Variants in TANC2 observed in about 807,000 individuals in gnomAD.
TANC2 encodes protein TANC2.
In TANC2, 26 loss-of-function variants were observed where a neutral mutation model predicts 210.5. The ratio of observed to expected loss-of-function variants is 0.12; its 90% CI spans 0.09 to 0.17. The LOEUF is 0.17. Ranked by LOEUF, TANC2 falls within the 10% of genes least tolerant of loss-of-function variation. The pLI is 1.00. For synonymous variants in TANC2, 931 were observed against 967.1 expected (o/e 0.96, Z 0.69); for missense variants, 2,129 against 2,608.9 (o/e 0.82, Z 4.01).
intron 9 of TANC2, among the ~76,000 whole-genome samples, chr17:63,292,682 A>G (rs1164318513): frequency 6.6e-6 from 1 of 152,146 alleles, no homozygotes; most frequent in East Asian, 1.9e-4. Context: ...TTTGTTTTAA[A>G]TAAGTGTGTG....
intron 4 of TANC2, among the ~76,000 whole-genome samples, chr17:63,100,321 C>T (rs753356225): frequency 2.0e-5 from 3 of 151,952 alleles, no homozygotes; most frequent in Non-Finnish European, 4.4e-5. Flanking sequence ...AGCATTTCTT[C>T]TATAGTTCTA....
intron 9 of TANC2, among the ~76,000 whole-genome samples, chr17:63,291,066 C>T (rs2044368792): frequency 6.6e-6 from 1 of 152,038 alleles, no homozygotes; most frequent in Admixed American, 6.5e-5. Flanking sequence ...GAGGCATTTT[C>T]CCCCTTCCCC....
At chr17:63,078,523 C>G (rs1467548352) in intron 3 of TANC2, among the ~76,000 whole-genome samples, 1 of 152,032 alleles carries the variant, frequency 6.6e-6, no homozygotes, top group Non-Finnish European at 1.5e-5. Context: ...TGAAAGCTTT[C>G]TCTTCTAATA....
chr17:63,412,707 G>A lies in TANC2; in HGVS notation c.3926G>A (p.Arg1309Gln), dbSNP rs1221624574. Reference sequence around the variant, plus strand: ...TGTCAGACGTTACCGAGTCGCCCACGAGGTATATTTCACCGCTGTCAGCAT... The same window carrying A: ...TGTCAGACGTTACCGAGTCGCCCACAAGGTATATTTCACCGCTGTCAGCAT... Residue 1309 changes from arginine to glutamine, a missense_variant and splice_region_variant, in exon 24 of 28, where the codon CGA becomes CAA. Around this residue, in one of 5 missense-constraint regions of TANC2, gnomAD observed 644 missense variants for 937.5 expected, o/e 0.69. Transcript: ENST00000689528. The surrounding 1 kb of genome is among the most constrained non-coding windows in gnomAD (Gnocchi z 4.2). 16 of 1,534,900 alleles carry A rather than the reference G, an allele frequency of 1.0e-5. No individual in the cohort carries two copies. The highest frequency in any genetic ancestry group is 1.3e-5 in the Non-Finnish European group (15 of 1,146,806).
At position 63,073,944 on chromosome 17, in the gene TANC2, T is replaced by A. The variant is rs753461149; in HGVS notation, c.69T>A (p.Asp23Glu). 5 of 1,581,612 alleles carry A rather than the reference T, an allele frequency of 3.2e-6. No homozygotes were observed. In the South Asian group the frequency reaches 5.8e-5, roughly 18 times the overall value. The stretch of plus-strand genomic sequence containing the variant: ...TATGCTCCTTTTAATTTTATGCAGA[T>A]GGAGGGAGCGAGGAACCACCGGATC... The change falls in exon 3 of 28, where the codon GAT becomes GAA. Residue 23 changes from aspartate (D) to glutamate (E), a missense_variant and splice_region_variant. Coordinates refer to ENST00000689528, the Ensembl canonical transcript of TANC2.
At chr17:63,111,649 T>A (rs1376327708) in intron 4 of TANC2, among the ~76,000 whole-genome samples, 1 of 152,214 alleles carries the variant, frequency 6.6e-6, no homozygotes, top group Non-Finnish European at 1.5e-5. Flanking sequence ...CAATCTGTCT[T>A]TATCAAAAAA....
chr17:63,178,258 G>A (rs926214504), intron 5 of TANC2, among the ~76,000 whole-genome samples: 10 of 152,078 alleles, frequency 6.6e-5, no homozygotes, highest in Admixed American at 2.0e-4. Flanking sequence ...GCGTGAACCC[G>A]GGAGGCGGAG....
chr17:62,989,365 G>A (rs1357693253), intron 1 of TANC2, among the ~76,000 whole-genome samples: 3 of 152,208 alleles, frequency 2.0e-5, no homozygotes, highest in South Asian at 2.1e-4. Context: ...GTGTCGCTGA[G>A]TGCAAAAGAT....
rs2037769714 is a variant in TANC2, at chr17:63,104,946, G to T, written c.322+5589G>T. Among the ~76,000 whole-genome samples, 4 of 151,786 alleles carry T rather than the reference G, an allele frequency of 2.6e-5. 1 individual carries two copies. The highest frequency in any genetic ancestry group is 9.7e-5 in the African/African-American group (4 of 41,088). ...TATCTACCCCATAGGAGTAATAAGAGAATTAGATTAATTAGTACATGTAAA... is the reference window on the plus strand; with the variant it reads ...TATCTACCCCATAGGAGTAATAAGATAATTAGATTAATTAGTACATGTAAA... On this transcript the variant is annotated intron_variant, in intron 4 of 27. Transcript: ENST00000689528.
At chr17:63,289,530 C>T (rs1006783773) in intron 9 of TANC2, among the ~76,000 whole-genome samples, 1 of 152,136 alleles carries the variant, frequency 6.6e-6, no homozygotes, top group Non-Finnish European at 1.5e-5. Flanking sequence ...TTTTTAATCT[C>T]TAGCATTTCT....
intron 7 of TANC2, among the ~76,000 whole-genome samples, chr17:63,204,945 C>T (rs1175842295): frequency 6.6e-6 from 1 of 151,452 alleles, no homozygotes; most frequent in African/African-American, 2.4e-5. Flanking sequence ...AGTAGCCAGG[C>T]GTGGTAGCAG....
intron 5 of TANC2, among the ~76,000 whole-genome samples, chr17:63,187,904 A>G (rs1415514352): frequency 2.6e-5 from 4 of 152,198 alleles, no homozygotes; most frequent in African/African-American, 7.2e-5. Context: ...GCATCTTTAA[A>G]TTACTGAGAC....
At chr17:63,281,436 T>C (rs994762737) in intron 9 of TANC2, among the ~76,000 whole-genome samples, 1 of 152,072 alleles carries the variant, frequency 6.6e-6, no homozygotes, top group Non-Finnish European at 1.5e-5. Context: ...CATATATGTA[T>C]AGAAGAAATC....
At chr17:63,083,313 C>T (rs2036845418) in intron 3 of TANC2, among the ~76,000 whole-genome samples, 1 of 152,192 alleles carries the variant, frequency 6.6e-6, no homozygotes, top group Non-Finnish European at 1.5e-5. Context: ...TGAGGATGTA[C>T]TTCACACCCT....
intron 11 of TANC2, among the ~76,000 whole-genome samples, chr17:63,331,322 T>A (rs1239509116): frequency 6.6e-6 from 1 of 152,270 alleles, no homozygotes; most frequent in Non-Finnish European, 1.5e-5. Context: ...TTTAGAATGA[T>A]GTCAAAGAAG....
intron 4 of TANC2, among the ~76,000 whole-genome samples, chr17:63,141,706 A>G (rs966044340): frequency 3.3e-5 from 5 of 152,148 alleles, no homozygotes; most frequent in Admixed American, 2.0e-4. Flanking sequence ...GAAATAGGCC[A>G]TCTATAAGAC....
intron 2 of TANC2, among the ~76,000 whole-genome samples, chr17:63,063,864 A>C (rs1378459510): frequency 6.6e-6 from 1 of 152,062 alleles, no homozygotes; most frequent in African/African-American, 2.4e-5. Context: ...TTTTCTCTAT[A>C]ATTTTTTGAT....
intron 15 of TANC2, among the ~76,000 whole-genome samples, chr17:63,385,629 GTAA>G (rs976260628): frequency 6.6e-6 from 1 of 152,206 alleles, no homozygotes; most frequent in African/African-American, 2.4e-5. Context: ...AGCTTCTGAA[GTAA>G]TAATGAGCAA....
At chr17:63,136,945 G>C (rs1473839370) in intron 4 of TANC2, among the ~76,000 whole-genome samples, 1 of 152,126 alleles carries the variant, frequency 6.6e-6, no homozygotes, top group East Asian at 1.9e-4. Flanking sequence ...GAGCTAATCC[G>C]AGACAACTGC....
Sources: gnomAD v4.1 joint callset for allele counts (sites outside exome capture counted in the v4.1 genomes callset) on GRCh38, gnomAD v4.1.1 for gene constraint, gnomAD v4.1.1 regional missense constraint, Gnocchi (gnomAD v3.1) non-coding constraint, MANE v1.5 for transcripts, NCBI Gene and HGNC (gene_info 2026-07-23, HGNC 2026-07-21) for gene names.